DNAJC27: variants seen among roughly 807,000 people sequenced by gnomAD.
DNAJC27 encodes dnaJ homolog subfamily C member 27.
DNAJC27 carries 25 observed loss-of-function variants against 31.4 expected under a neutral mutation model. The ratio of observed to expected loss-of-function variants is 0.80; its 90% confidence interval spans 0.58 to 1.11. The LOEUF is 1.11. Ranked by LOEUF, DNAJC27 falls within the 50% of genes most tolerant of loss-of-function variation. The probability of loss-of-function intolerance (pLI) is 0.00; values close to 1 mark genes in which losing one functional copy is unlikely to be tolerated. For synonymous variants in DNAJC27, 106 were observed against 112.7 expected, an observed-to-expected ratio of 0.94 and a Z score of 0.37; for missense variants, 356 against 347.3, an observed-to-expected ratio of 1.02 and a Z score of -0.20.
chr2:24,966,988 C>T (rs867115910), intron 2 of DNAJC27, among the ~76,000 whole-genome samples: 2 of 152,198 alleles, frequency 1.3e-5, no homozygotes, highest in East Asian at 1.9e-4. Flanking sequence ...ACACCTAACA[C>T]GAGGCCTGGT....
intron 5 of DNAJC27, among the ~76,000 whole-genome samples, chr2:24,955,349 C>T (rs1294409459): frequency 6.6e-6 from 1 of 152,030 alleles, no homozygotes; most frequent in African/African-American, 2.4e-5. Flanking sequence ...TCAACAGAGA[C>T]TATGCAATCT....
intron 2 of DNAJC27, among the ~76,000 whole-genome samples, chr2:24,964,833 T>C (rs1002396696): frequency 4.6e-5 from 7 of 152,134 alleles, no homozygotes; most frequent in Admixed American, 1.3e-4. Flanking sequence ...AACAAAACTA[T>C]CTTAAATAGG....
chr2:24,960,671 G>A (rs572735567), intron 3 of DNAJC27, among the ~76,000 whole-genome samples: 3 of 152,236 alleles, frequency 2.0e-5, no homozygotes, highest in East Asian at 1.9e-4. Flanking sequence ...TGGAGAAAGC[G>A]TTAGTGGTCT....
rs774553651 is a variant in DNAJC27, at chr2:24,947,674, T to C, written c.764A>G (p.Glu255Gly). ...HPDKCVAPGS[E>G]DAFKAVVNAR... ...ATTCACAACTGCTTTGAAGGCATCT[T>C]CACTGCCAGGTGCTACACATTTGTC... The change falls in exon 7 of 7, where the codon GAA becomes GGA. Residue 255 changes from glutamate to glycine, a missense_variant. Transcript: ENST00000264711. 3 of 1,613,346 alleles carry C rather than the reference T, an allele frequency of 1.9e-6. No homozygotes were observed. In the East Asian group the frequency reaches 6.7e-5, roughly 36 times the overall value.
At chr2:24,963,624 C>T in intron 2 of DNAJC27, 150 bp from the exon 3 acceptor site, 1 of 585,242 alleles carries the variant, frequency 1.7e-6, no homozygotes, top group East Asian at 2.9e-5. Context: ...TTTACAATAG[C>T]AGTCAGCAAC....
rs951223998 is a variant in DNAJC27, at chr2:24,962,412, C to T, written c.240+993G>A. 3.9e-5 allele frequency among the ~76,000 whole-genome samples: 6 copies of T among 152,128 alleles called. No individual in the cohort carries two copies. In the South Asian group the frequency reaches 1.2e-3, roughly 32 times the overall value. ...CTGGGATTACAGGGATGTGCCACCA[C>T]ACCCGGCTGATTTTTGTGTTTTTAG... On this transcript the variant is annotated intron_variant, in intron 3 of 6. Transcript: ENST00000264711.
At chr2:24,971,675 GC>G (rs1192135606) in intron 1 of DNAJC27, 142 bp downstream of exon 1, 1 of 623,734 alleles carries the variant, frequency 1.6e-6, no homozygotes, top group African/African-American at 1.9e-5. Context: ...CGTTCGCGGA[GC>G]CGCACCCCTC....
chr2:24,968,544 A>G (rs1666246146), intron 1 of DNAJC27, among the ~76,000 whole-genome samples: 2 of 151,610 alleles, frequency 1.3e-5, no homozygotes, highest in African/African-American at 4.8e-5. Flanking sequence ...ACGGGGTTTC[A>G]CCATGTTGGC....
intron 1 of DNAJC27, among the ~76,000 whole-genome samples, chr2:24,967,631 C>A (rs371701798): frequency 6.7e-6 from 1 of 150,306 alleles, no homozygotes; most frequent in African/African-American, 2.5e-5. Context: ...ACCCGGGAGG[C>A]GGAGGTTGCA....
In DNAJC27 at chr2:24,947,386, AAT is replaced by A. The variant is rs1391173517; in HGVS notation, c.*228_*229del. On this transcript the variant is annotated 3_prime_UTR_variant, in exon 7 of 7. Transcript: ENST00000264711. The stretch of plus-strand genomic sequence containing the variant: ...AGAAAAAAATTCAGAATTATCTAGA[AAT>A]ATGAAATGAAGTACAGGGTGTGACG... 2.4e-6 allele frequency: 1 copy of A among 421,822 alleles called. No individual in the cohort carries two copies. The highest frequency in any genetic ancestry group is 4.2e-6 in the Non-Finnish European group (1 of 238,698). 26.1% of individuals were successfully genotyped at this position (421,822 alleles called of 1,614,324 possible).
chr2:24,969,699 G>C (rs1214128149), intron 1 of DNAJC27, among the ~76,000 whole-genome samples: 1 of 152,070 alleles, frequency 6.6e-6, no homozygotes, highest in Non-Finnish European at 1.5e-5. Flanking sequence ...GGCTGGTCTC[G>C]AACTCCTGAG....
chr2:24,966,389 C>A (rs1201482321), intron 2 of DNAJC27, among the ~76,000 whole-genome samples: 1 of 152,210 alleles, frequency 6.6e-6, no homozygotes, highest in Non-Finnish European at 1.5e-5. Flanking sequence ...TCCAACTCTT[C>A]AAGCTCAACC....
chr2:24,964,181 G>C (rs980871326), intron 2 of DNAJC27, among the ~76,000 whole-genome samples: 1 of 152,102 alleles, frequency 6.6e-6, no homozygotes, highest in African/African-American at 2.4e-5. Context: ...AGCACTGTGG[G>C]AGGCCGAGAT....
chr2:24,968,078 A>G (rs372953894), intron 1 of DNAJC27, among the ~76,000 whole-genome samples: 2 of 152,208 alleles, frequency 1.3e-5, no homozygotes, highest in East Asian at 3.9e-4. Context: ...TTTCCTGTTA[A>G]ATCAATTGAA....
intron 3 of DNAJC27, among the ~76,000 whole-genome samples, chr2:24,962,215 TCTTTTG>T (rs747835217): frequency 0.019 from 1,604 of 84,570 alleles, 6 homozygotes; most frequent in Non-Finnish European, 0.029. Context: ...ATACTTTTTT[TCTTTTG>T]TTTTTTTTTG....
chr2:24,948,270 G>A (rs900630416), intron 6 of DNAJC27, among the ~76,000 whole-genome samples: 3 of 152,202 alleles, frequency 2.0e-5, no homozygotes, highest in Admixed American at 6.5e-5. Context: ...ACTGTTTCTT[G>A]AAGTTAGGAT....
intron 5 of DNAJC27, among the ~76,000 whole-genome samples, chr2:24,955,532 C>T (rs565621513): frequency 5.9e-5 from 9 of 152,118 alleles, no homozygotes; most frequent in African/African-American, 1.9e-4. Context: ...CAGAAAACTC[C>T]CCAAATTTGA....
intron 6 of DNAJC27, among the ~76,000 whole-genome samples, chr2:24,950,441 G>C (rs751663481): frequency 6.6e-6 from 1 of 152,154 alleles, no homozygotes; most frequent in Non-Finnish European, 1.5e-5. Context: ...TTAGACCGTT[G>C]AAAGTTACAT....
In DNAJC27 at chr2:24,946,930, C is replaced by T. The variant is rs1001181282; in HGVS notation, c.*686G>A. 1 of 152,234 alleles carries T rather than the reference C, an allele frequency of 6.6e-6. No individual in the cohort carries two copies. The highest frequency in any genetic ancestry group is 1.5e-5 in the Non-Finnish European group (1 of 68,082). The allele number at this position is 152,234 out of a possible 1,614,324, so 9.4% of individuals were successfully genotyped here. A position where few individuals can be genotyped will look rare whatever the true frequency, so the allele number is the denominator to read the frequency against. ...GCCTCAGATCCAGGGACAGGATAGG[C>T]AGCAGCCAGTGTACCTAGAATTTGT... On this transcript the variant is annotated 3_prime_UTR_variant, in exon 7 of 7. Coordinates refer to ENST00000264711, the MANE Select transcript of DNAJC27 (RefSeq NM_016544.3).
Sources: allele counts gnomAD v4.1 joint callset (sites outside exome capture counted in the v4.1 genomes callset), GRCh38; gene constraint gnomAD v4.1.1; transcripts MANE v1.5; gene names NCBI Gene and HGNC (gene_info 2026-07-23, HGNC 2026-07-21).